Variants in GLIS3 observed in about 807,000 individuals in gnomAD.
The protein encoded by GLIS3 is GLIS family zinc finger 3, also known as zinc finger protein GLIS3.
In GLIS3, 53 loss-of-function variants were observed where a neutral mutation model predicts 78.6. The observed-to-expected ratio is 0.67, with a 90% CI of 0.54 to 0.85. GLIS3 has a LOEUF of 0.85. Among genes scored for constraint, GLIS3 ranks in the 40% least tolerant of loss-of-function variants. The probability of loss-of-function intolerance (pLI) is 0.00; values close to 1 mark genes in which losing one functional copy is unlikely to be tolerated. For missense variants in GLIS3, 1,703 were observed against 1,231.1 expected, an observed-to-expected ratio of 1.38 and a Z score of -5.74; for synonymous variants, 684 against 509.9, an observed-to-expected ratio of 1.34 and a Z score of -4.60.
At chr9:4,187,038 G>C (rs1817866229) in intron 2 of GLIS3, among the ~76,000 whole-genome samples, 2 of 152,160 alleles carry the variant, frequency 1.3e-5, no homozygotes, top group African/African-American at 4.8e-5. Flanking sequence ...TGTTGCCATT[G>C]CTTTCAGTGT....
intron 2 of GLIS3, among the ~76,000 whole-genome samples, chr9:4,145,668 C>T (rs766604722): frequency 1.3e-5 from 2 of 151,894 alleles, no homozygotes; most frequent in Non-Finnish European, 2.9e-5. Flanking sequence ...GTCAGAGGGA[C>T]CTAACATCTC....
chr9:4,236,168 C>T (rs1448972068), intron 2 of GLIS3, among the ~76,000 whole-genome samples: 2 of 96,006 alleles, frequency 2.1e-5, no homozygotes, highest in Non-Finnish European at 3.7e-5. Flanking sequence ...GCTAGGAAAA[C>T]TTGACGTGGT....
At chr9:3,984,127 G>A (rs1159871624) in intron 4 of GLIS3, among the ~76,000 whole-genome samples, 1 of 152,164 alleles carries the variant, frequency 6.6e-6, no homozygotes, top group African/African-American at 2.4e-5. Flanking sequence ...AGGGAAAGGT[G>A]ATGTTGGAGC....
chr9:4,008,405 A>G (rs1163631509), intron 4 of GLIS3, among the ~76,000 whole-genome samples: 1 of 152,158 alleles, frequency 6.6e-6, no homozygotes, highest in African/African-American at 2.4e-5. Flanking sequence ...ATTCTGCACC[A>G]AAGTGAAGAG....
intron 2 of GLIS3, among the ~76,000 whole-genome samples, chr9:4,260,052 T>C (rs567890206): frequency 5.3e-5 from 8 of 152,186 alleles, no homozygotes; most frequent in Non-Finnish European, 1.0e-4. Context: ...TAGGTGGTTC[T>C]ATAGAAGGAA....
At position 3,879,295 on chromosome 9, in the gene GLIS3, T is replaced by C. The variant is rs1588140780; in HGVS notation, c.2297+132A>G. ...GTCCACGTGCTTTGTGTATGTACTT[T>C]TAAAATGTCACCTTTGGGTAACTCA... On this transcript the variant is annotated intron_variant, in intron 8 of 10. Coordinates refer to ENST00000381971, the MANE Select transcript of GLIS3 (RefSeq NM_001042413.2). 7 of 856,956 alleles carry C rather than the reference T, an allele frequency of 8.2e-6. No homozygotes were observed. The East Asian group carries it at 1.7e-4, about 21-fold the overall frequency. The allele number at this position is 856,956 out of a possible 1,614,324, so 53.1% of individuals were successfully genotyped here.
intron 2 of GLIS3, among the ~76,000 whole-genome samples, chr9:4,330,237 A>G (rs531426055): frequency 6.6e-6 from 1 of 152,340 alleles, no homozygotes; most frequent in East Asian, 1.9e-4. Flanking sequence ...CCAAGACAGC[A>G]AGGTGTAGAC....
intron 2 of GLIS3, among the ~76,000 whole-genome samples, chr9:4,174,127 G>A (rs1176458488): frequency 6.6e-6 from 1 of 152,138 alleles, no homozygotes; most frequent in Non-Finnish European, 1.5e-5. Context: ...CACTCTAGGA[G>A]AAAAAGCAAT....
chr9:4,025,553 A>T (rs1823261974), intron 4 of GLIS3, among the ~76,000 whole-genome samples: 1 of 151,966 alleles, frequency 6.6e-6, no homozygotes, highest in East Asian at 1.9e-4. Flanking sequence ...ATGCCTGGCT[A>T]ATTTTTGTAT....
At chr9:3,841,300 A>G (rs143061741) in intron 9 of GLIS3, among the ~76,000 whole-genome samples, 6 of 152,316 alleles carry the variant, frequency 3.9e-5, no homozygotes, top group Admixed American at 6.5e-5. Flanking sequence ...CCTGATGGTG[A>G]TAATGCACAT....
chr9:4,370,696 G>A, the GLIS3 span, among the ~76,000 whole-genome samples: 3 of 148,648 alleles, frequency 2.0e-5, no homozygotes, highest in South Asian at 4.3e-4. Flanking sequence ...TTTATATTCT[G>A]TAATAAATAA....
chr9:4,467,431 G>A, the GLIS3 span, among the ~76,000 whole-genome samples: 3 of 152,164 alleles, frequency 2.0e-5, no homozygotes, highest in Non-Finnish European at 4.4e-5. Flanking sequence ...CGGAGATGAA[G>A]CTTCTAGAGG....
At chr9:4,266,650 G>A (rs1826040530) in intron 2 of GLIS3, among the ~76,000 whole-genome samples, 2 of 151,376 alleles carry the variant, frequency 1.3e-5, no homozygotes. Flanking sequence ...GCAACCTCAT[G>A]CTTCTGGACT....
rs1160455296 is a variant in GLIS3 at position 3,897,361 on chromosome 9, G to A, written c.2128+1330C>T. ...TTAAAATTGTTTGCTAATTTAATGT[G>A]CTGAAATAAATGTTCATATATCAAA... On this transcript the variant is annotated intron_variant, in intron 7 of 10. Coordinates refer to ENST00000381971, the MANE Select transcript of GLIS3 (RefSeq NM_001042413.2). Among the ~76,000 whole-genome samples the A allele has an allele frequency of 2.0e-5, 3 of 152,170 alleles. No individual in the cohort carries two copies. The East Asian group carries it at 5.8e-4, about 29-fold the overall frequency.
At chr9:4,471,316 G>T in the GLIS3 span, among the ~76,000 whole-genome samples, 3 of 152,262 alleles carry the variant, frequency 2.0e-5, no homozygotes, top group Middle Eastern at 6.8e-3. Context: ...TAAGCCAAAA[G>T]AACAAAGCTG....
At position 4,286,355 on chromosome 9, in the gene GLIS3, C is replaced by T; in HGVS notation, c.71G>A (p.Ser24Asn). 1.2e-6 allele frequency: 2 copies of T among 1,614,202 alleles called. No homozygotes were observed. Among genetic ancestry groups the T allele is most frequent in the South Asian group, 2.2e-5 (2 of 91,086 alleles). Reference protein sequence around the residue: ...SGTPQGPRMVSGHHIPAIRAH... With the variant: ...SGTPQGPRMVNGHHIPAIRAH... ...TCGGATGGCAGGAATGTGATGACCA[C>T]TGACCATCCTAGGCCCCTGTGGGGT... is the stretch of plus-strand genomic sequence containing the variant. The change falls in exon 2 of 11, where the codon AGT (serine) becomes AAT (asparagine). Residue 24 changes from serine to asparagine, a missense_variant. By Grantham distance (46) the Ser-to-Asn change is conservative. Coordinates refer to ENST00000381971, the MANE Select transcript of GLIS3 (RefSeq NM_001042413.2).
intron 2 of GLIS3, among the ~76,000 whole-genome samples, chr9:4,213,551 A>C (rs1282138533): frequency 2.6e-5 from 4 of 152,192 alleles, no homozygotes; most frequent in Non-Finnish European, 5.9e-5. Flanking sequence ...TGTAATTAAG[A>C]AATTGAATTT....
intron 2 of GLIS3, among the ~76,000 whole-genome samples, chr9:4,159,691 C>A (rs970793878): frequency 5.9e-5 from 9 of 151,506 alleles, no homozygotes; most frequent in African/African-American, 1.9e-4. Context: ...TGCACTCCAG[C>A]CTGGGTGAAG....
At chr9:4,294,318 G>A (rs1282079879) in intron 1 of GLIS3, among the ~76,000 whole-genome samples, 5 of 152,160 alleles carry the variant, frequency 3.3e-5, no homozygotes. Context: ...AGACCAGTCT[G>A]ACTAACACAG....
Sources: allele counts gnomAD v4.1 joint callset (sites outside exome capture counted in the v4.1 genomes callset), GRCh38; gene constraint gnomAD v4.1.1; transcripts MANE v1.5; gene names NCBI Gene and HGNC (gene_info 2026-07-23, HGNC 2026-07-21).